TMPRSS6: variants seen among roughly 807,000 people sequenced by gnomAD.
TMPRSS6 encodes the protein transmembrane serine protease 6, also known as transmembrane protease serine 6.
In TMPRSS6, 67 loss-of-function variants were observed where a neutral mutation model predicts 101.5. The ratio of observed to expected loss-of-function variants is 0.66; its 90% CI spans 0.54 to 0.81. The LOEUF is 0.81. TMPRSS6 is among the 30% of genes least tolerant of loss of function. TMPRSS6 has a pLI of 0.00. For missense variants in TMPRSS6, 1,034 were observed against 1,088.7 expected (o/e 0.95, Z 0.71); for synonymous variants, 453 against 464.9 (o/e 0.97, Z 0.33).
chr22:37,067,484 GAAAA>G (rs1926415423), intron 16 of TMPRSS6, among the ~76,000 whole-genome samples: 1 of 151,726 alleles, frequency 6.6e-6, no homozygotes, highest in African/African-American at 2.4e-5. Context: ...ACAAAAAAAA[GAAAA>G]AAGAAAAAAG....
chr22:37,071,517 C>T (rs1038010913), intron 13 of TMPRSS6, among the ~76,000 whole-genome samples: 1 of 152,234 alleles, frequency 6.6e-6, no homozygotes, highest in Non-Finnish European at 1.5e-5. Context: ...AAACACCTAC[C>T]TCCTCCAGGA....
chr22:37,068,616 A>G (rs1487755618), intron 16 of TMPRSS6: 1 of 779,694 alleles, frequency 1.3e-6, no homozygotes, highest in Non-Finnish European at 2.4e-6. Flanking sequence ...TGTGACTTAC[A>G]GCAACATGTC....
chr22:37,066,371 T>G, intron 17 of TMPRSS6, 133 bp from the exon 18 acceptor site: 1 of 979,320 alleles, frequency 1.0e-6, no homozygotes, highest in Non-Finnish European at 1.5e-6. Context: ...CTTAAAGCTC[T>G]GCTTTCCCCT....
intron 8 of TMPRSS6, 100 bp downstream of exon 8, chr22:37,086,183 A>G: frequency 6.6e-7 from 1 of 1,523,928 alleles, no homozygotes; most frequent in Non-Finnish European, 9.1e-7. Flanking sequence ...TCCCCATCCC[A>G]TCCTCAATTT....
intron 10 of TMPRSS6, among the ~76,000 whole-genome samples, chr22:37,076,316 T>A (rs566123468): frequency 6.6e-6 from 1 of 152,172 alleles, no homozygotes. Flanking sequence ...CCTTCTCCCA[T>A]GACCAGTAGC....
At chr22:37,104,357 G>A (rs567709720) in intron 1 of TMPRSS6, among the ~76,000 whole-genome samples, 1 of 152,282 alleles carries the variant, frequency 6.6e-6, no homozygotes, top group East Asian at 1.9e-4. Flanking sequence ...ACACAGCAGG[G>A]AAGTGGAGGT....
chr22:37,082,518 G>C (rs1317567914), intron 10 of TMPRSS6: 1 of 168,740 alleles, frequency 5.9e-6, no homozygotes, highest in African/African-American at 2.4e-5. Context: ...CACCCTGCGG[G>C]TTCCTGTGAG....
At chr22:37,074,740 C>T (rs1927459899) in intron 11 of TMPRSS6, 32 bp from the exon 12 acceptor site, 3 of 1,610,532 alleles carry the variant, frequency 1.9e-6, no homozygotes, top group Non-Finnish European at 1.7e-6. Flanking sequence ...TGGAGGCAGG[C>T]AGGGCGCCAT....
chr22:37,106,544 TA>T (rs1930724514), intron 1 of TMPRSS6, among the ~76,000 whole-genome samples: 1 of 152,178 alleles, frequency 6.6e-6, no homozygotes, highest in African/African-American at 2.4e-5. Flanking sequence ...CAAATGGCAG[TA>T]GTGGGAAATT....
At chr22:37,098,605 G>T in intron 2 of TMPRSS6, 56 bp from the exon 3 acceptor site, 2 of 1,613,280 alleles carry the variant, frequency 1.2e-6, no homozygotes, top group Admixed American at 3.3e-5. Context: ...AAAGTCTCCT[G>T]TCTCTTCCAT....
upstream of TMPRSS6, among the ~76,000 whole-genome samples, chr22:37,110,455 C>T (rs997446051): frequency 3.3e-5 from 5 of 152,038 alleles, no homozygotes; most frequent in African/African-American, 1.2e-4. Context: ...GAATTCCTAC[C>T]TGGTTCCGTA....
chr22:37,094,913 G>T (rs1929617273), intron 6 of TMPRSS6, among the ~76,000 whole-genome samples: 1 of 152,228 alleles, frequency 6.6e-6, no homozygotes, highest in Non-Finnish European at 1.5e-5. Flanking sequence ...CCAGCAGCCA[G>T]TTGGTGCACT....
intron 6 of TMPRSS6, among the ~76,000 whole-genome samples, chr22:37,091,980 A>T (rs1929305212): frequency 6.6e-6 from 1 of 152,214 alleles, no homozygotes; most frequent in Non-Finnish European, 1.5e-5. Context: ...TAGGGAAGGG[A>T]CAGGGCCTCC....
rs528000681 is a variant in TMPRSS6 at position 37,067,091 on chromosome 22, C to A, written c.2114-129G>T. On this transcript the variant is annotated intron_variant, in intron 16 of 17. Coordinates refer to ENST00000676104, the MANE Select transcript of TMPRSS6 (RefSeq NM_001374504.1). ...CCTGCTCTGCCCACCCTTACCCCTG[C>A]TAGGGTCGCACCTGCCCCTCTGCCT... 7.8e-5 allele frequency: 108 copies of A among 1,388,610 alleles called. No homozygotes were observed. In the East Asian group the frequency reaches 2.1e-3, roughly 27 times the overall value. 86.0% of individuals were successfully genotyped at this position (1,388,610 alleles called of 1,614,324 possible). A position where few individuals can be genotyped will look rare whatever the true frequency, so the allele number is the denominator to read the frequency against.
At chr22:37,097,752 G>GA (rs1386266027) in intron 3 of TMPRSS6, among the ~76,000 whole-genome samples, 1 of 118,266 alleles carries the variant, frequency 8.5e-6, no homozygotes, top group Admixed American at 7.8e-5. Flanking sequence ...AGGGGCAGGA[G>GA]CGGCCACTGT....
chr22:37,075,287 G>T lies in TMPRSS6; in HGVS notation c.1197-7C>A. 6.2e-7 allele frequency: 1 copy of T among 1,613,340 alleles called. No individual in the cohort carries two copies. Among genetic ancestry groups the T allele is most frequent in the Admixed American group, 1.7e-5 (1 of 60,030 alleles). On this transcript the variant is annotated splice_region_variant and splice_polypyrimidine_tract_variant and intron_variant, in intron 10 of 17. Transcript: ENST00000676104. The stretch of plus-strand genomic sequence containing the variant: ...GATGCGCAAGCCACACAGCCTGGGG[G>T]GAGTCAGAGACGACTCAGGGCTGCA...
Position 37,069,246 on chromosome 22 carries a change from A to G in TMPRSS6, c.1940T>C (p.Leu647Pro), listed in dbSNP as rs980072674. The G allele has an allele frequency of 8.5e-5, 137 of 1,610,596 alleles. No homozygotes were observed. Among genetic ancestry groups the G allele is most frequent in the Non-Finnish European group, 1.2e-4 (137 of 1,179,410 alleles). Residue 647 changes from leucine (L) to proline (P), a missense_variant, in exon 16 of 18, where the codon CTG (leucine) becomes CCG (proline). Leu to Pro is a moderately conservative substitution (Grantham distance 98). Transcript: ENST00000676104. The surrounding 1 kb of genome is among the most constrained non-coding windows in gnomAD (Gnocchi z 4.8). ...GCTGTCCTCTTCGTGGTACGGGTGC[A>G]GGAGCAGGCGGCTCACCTTGAAGGA... is the stretch of plus-strand genomic sequence containing the variant. ...EVSFKVSRLL[L>P]HPYHEEDSHD...
rs769983843 is a variant in TMPRSS6, at chr22:37,066,874, T to G, written c.2202A>C (p.Pro734=). 3 of 1,614,184 alleles carry G rather than the reference T, an allele frequency of 1.9e-6. No homozygotes were observed. The South Asian group carries it at 3.3e-5, about 18-fold the overall frequency. The change falls in exon 17 of 18, where the codon CCA becomes CCC. Residue 734 remains proline, a synonymous_variant. Transcript: ENST00000676104. ...CSEVYRYQVT[P]RMLCAGYRKG... The stretch of plus-strand genomic sequence containing the variant: ...TGCGGTAGCCGGCACACAGCATGCG[T>G]GGCGTCACCTGGTAGCGATAGACCT...
At chr22:37,067,535 C>A (rs1926420532) in intron 16 of TMPRSS6, among the ~76,000 whole-genome samples, 1 of 151,832 alleles carries the variant, frequency 6.6e-6, no homozygotes, top group Admixed American at 6.5e-5. Flanking sequence ...GCTTCTTGTC[C>A]CCCACCTCTG....
Sources: allele counts gnomAD v4.1 joint callset (sites outside exome capture counted in the v4.1 genomes callset), GRCh38; gene constraint gnomAD v4.1.1; non-coding constraint Gnocchi (gnomAD v3.1); transcripts MANE v1.5; gene names NCBI Gene and HGNC (gene_info 2026-07-23, HGNC 2026-07-21).